The following BCL11A variants were observed in gnomAD, a reference collection of about 807,000 sequenced individuals.
BCL11A encodes BCL11 transcription factor A, also known as B cell CLL/lymphoma 11A.
A neutral mutation model predicts 55.9 loss-of-function variants in BCL11A; 2 were observed. The observed-to-expected ratio is 0.04, with a 90% CI of 0.01 to 0.11. BCL11A has a LOEUF of 0.11. Ranked by LOEUF, BCL11A falls within the 10% of genes least tolerant of loss-of-function variation. BCL11A has a pLI of 1.00. For synonymous variants in BCL11A, 465 were observed against 473.4 expected, an observed-to-expected ratio of 0.98 and a Z score of 0.23; for missense variants, 817 against 1,137.1, an observed-to-expected ratio of 0.72 and a Z score of 4.05.
intron 3 of BCL11A, 69 bp downstream of exon 3, chr2:60,468,663 A>G: frequency 1.7e-6 from 2 of 1,180,646 alleles, no homozygotes; most frequent in Admixed American, 1.9e-5. Flanking sequence ...TTAAAAAGTA[A>G]GGGCAATTTC....
At chr2:60,455,692 T>C (rs984660616), downstream of BCL11A, among the ~76,000 whole-genome samples, 2 of 152,214 alleles carry the variant, frequency 1.3e-5, no homozygotes, top group African/African-American at 4.8e-5. Flanking sequence ...AAGAGCAGCA[T>C]ATACTGAGAA....
intron 3 of BCL11A, among the ~76,000 whole-genome samples, chr2:60,465,742 C>G (rs1273460217): frequency 6.6e-6 from 1 of 152,128 alleles, no homozygotes; most frequent in African/African-American, 2.4e-5. Flanking sequence ...TTGGGAAGTT[C>G]AAATGACAGA....
At chr2:60,529,055 A>G (rs549695539) in intron 2 of BCL11A, among the ~76,000 whole-genome samples, 7 of 152,300 alleles carry the variant, frequency 4.6e-5, no homozygotes, top group Admixed American at 3.9e-4. Flanking sequence ...ACACACGTCT[A>G]TGGGGAGAGG....
intron 2 of BCL11A, among the ~76,000 whole-genome samples, chr2:60,476,495 GCCACCACAAA>G (rs1037886997): frequency 1.3e-5 from 2 of 152,210 alleles, no homozygotes; most frequent in African/African-American, 4.8e-5. Flanking sequence ...CCTCTCCCCA[GCCACCACAAA>G]CCAGGACAGC....
At chr2:60,463,281 T>G (rs1676416388) in intron 3 of BCL11A, among the ~76,000 whole-genome samples, 1 of 152,160 alleles carries the variant, frequency 6.6e-6, no homozygotes, top group African/African-American at 2.4e-5. Context: ...TTAGGAGGAG[T>G]GGCTGGTGCC....
At position 60,461,439 on chromosome 2, in the gene BCL11A, G is replaced by A. The variant is rs142546955; in HGVS notation, c.1473C>T (p.Asp491=). 4.5e-5 allele frequency: 72 copies of A among 1,603,396 alleles called. No homozygotes were observed. The highest frequency in any genetic ancestry group is 5.8e-5 in the Non-Finnish European group (68 of 1,178,686). The change falls in exon 4 of 4, where the codon GAC becomes GAT. Residue 491 remains aspartate, a synonymous_variant. Transcript: ENST00000642384. ...ENGDEEEEED[D]EEEEEEEEEE... is the part of the protein sequence containing the mutation. ...CTTCCTCCTCTTCTTCCTCTTCCTCGTCGTCCTCCTCTTCCTCCTCGTCCC... is the reference window on the plus strand; with the variant it reads ...CTTCCTCCTCTTCTTCCTCTTCCTCATCGTCCTCCTCTTCCTCCTCGTCCC...
intron 2 of BCL11A, among the ~76,000 whole-genome samples, chr2:60,500,386 T>C (rs1679216467): frequency 6.6e-6 from 1 of 152,162 alleles, no homozygotes; most frequent in South Asian, 2.1e-4. Flanking sequence ...ACCGTGCCTC[T>C]GTGGGCTGAC....
rs45547734 is a variant in BCL11A at position 60,521,396 on chromosome 2, T to C, written c.385+24575A>G. Among the ~76,000 whole-genome samples, 1,384 of 152,304 alleles carry C rather than the reference T, an allele frequency of 9.1e-3. 13 individuals are homozygous for C. Among genetic ancestry groups the C allele is most frequent in the South Asian group, 0.019 (90 of 4,824 alleles). On this transcript the variant is annotated intron_variant, in intron 2 of 3. Coordinates refer to ENST00000642384, the MANE Select transcript of BCL11A (RefSeq NM_022893.4). ...GGGCCTGGGTCTGGGAATGGTGTGA[T>C]GTGGTTAGGCCAGTCTCAGCTTCCA...
In BCL11A at chr2:60,459,681, T is replaced by C; in HGVS notation, c.*723A>G. The C allele has an allele frequency of 9.7e-7, 1 of 1,034,874 alleles. No homozygotes were observed. The highest frequency in any genetic ancestry group is 6.0e-5 in the East Asian group (1 of 16,616). 64.1% of individuals were successfully genotyped at this position (1,034,874 alleles called of 1,614,324 possible). A position where few individuals can be genotyped will look rare whatever the true frequency, so the allele number is the denominator to read the frequency against. On this transcript the variant is annotated 3_prime_UTR_variant, in exon 4 of 4. Transcript: ENST00000642384. ...TGTGGTTTTAATAGATCCAAGGCAC[T>C]CATATTTTAAAACCAAATGATAGAA...
chr2:60,544,166 T>C (rs1457377645), intron 2 of BCL11A: 1 of 152,242 alleles, frequency 6.6e-6, no homozygotes, highest in Non-Finnish European at 1.5e-5. Flanking sequence ...AATTCTTGCT[T>C]GACAGACACT....
intron 3 of BCL11A, 45 bp from the exon 4 acceptor site, chr2:60,462,469 C>T (rs773497393): frequency 6.4e-6 from 10 of 1,553,862 alleles, no homozygotes; most frequent in Non-Finnish European, 7.8e-6. Context: ...ATCACTGAGG[C>T]GGGCATCAGC....
At chr2:60,490,548 G>A (rs1299603933) in intron 2 of BCL11A, among the ~76,000 whole-genome samples, 2 of 152,052 alleles carry the variant, frequency 1.3e-5, no homozygotes, top group African/African-American at 2.4e-5. Context: ...CTCAATGAAG[G>A]TCTACCTAGT....
At chr2:60,478,930 C>T (rs576686514) in intron 2 of BCL11A, among the ~76,000 whole-genome samples, 2 of 152,270 alleles carry the variant, frequency 1.3e-5, no homozygotes, top group South Asian at 2.1e-4. Flanking sequence ...TCCCACAGAA[C>T]AAAACACAGG....
At chr2:60,526,970 T>C (rs1669231246) in intron 2 of BCL11A, 1 of 152,252 alleles carries the variant, frequency 6.6e-6, no homozygotes, top group Non-Finnish European at 1.5e-5. Context: ...GTAGAAATAC[T>C]ACCCGGCTCA....
chr2:60,462,911 G>C (rs978349472), intron 3 of BCL11A, among the ~76,000 whole-genome samples: 2 of 152,096 alleles, frequency 1.3e-5, no homozygotes, highest in Admixed American at 1.3e-4. Context: ...TTCTAAATAG[G>C]CAAACATTTC....
intron 2 of BCL11A, chr2:60,542,936 A>C (rs1423845977): frequency 6.6e-6 from 1 of 150,820 alleles, no homozygotes; most frequent in Admixed American, 6.6e-5. Context: ...AGGCTGAGGC[A>C]GGAGAATCGC....
chr2:60,458,779 A>C lies in BCL11A; in HGVS notation c.*1625T>G. 1 of 1,030,436 alleles carries C rather than the reference A, an allele frequency of 9.7e-7. No homozygotes were observed. Among genetic ancestry groups the C allele is most frequent in the Non-Finnish European group, 1.2e-6 (1 of 856,166 alleles). 63.8% of individuals were successfully genotyped at this position (1,030,436 alleles called of 1,614,324 possible). ...ATACTCAACCTCTGTATCTCTGATT[A>C]GAGAAAAGATACAGATATCACAGGC... On this transcript the variant is annotated 3_prime_UTR_variant, in exon 4 of 4. Transcript: ENST00000642384.
intron 2 of BCL11A, chr2:60,525,420 A>G (rs1329627947): frequency 6.6e-6 from 1 of 152,226 alleles, no homozygotes; most frequent in Non-Finnish European, 1.5e-5. Flanking sequence ...CAGCAATTTG[A>G]AAGATGCCTT....
At chr2:60,501,361 C>T (rs1297068080) in intron 2 of BCL11A, among the ~76,000 whole-genome samples, 1 of 152,124 alleles carries the variant, frequency 6.6e-6, no homozygotes, top group African/African-American at 2.4e-5. Flanking sequence ...TCACAGGAAG[C>T]CATGGTCCTT....
Sources: allele counts gnomAD v4.1 joint callset (sites outside exome capture counted in the v4.1 genomes callset), GRCh38; gene constraint gnomAD v4.1.1; transcripts MANE v1.5; gene names NCBI Gene and HGNC (gene_info 2026-07-23, HGNC 2026-07-21).